NAF1: variants seen among roughly 807,000 people sequenced by gnomAD.
NAF1 encodes the protein H/ACA ribonucleoprotein complex non-core subunit NAF1.
Under a neutral mutation model 40.6 loss-of-function variants are expected in NAF1, and 11 were observed. The ratio of observed to expected loss-of-function variants is 0.27; its 90% CI spans 0.17 to 0.45. NAF1 has a LOEUF of 0.45. Among genes scored for constraint, NAF1 ranks in the 20% least tolerant of loss-of-function variants. The probability of loss-of-function intolerance (pLI) is 1.00; values close to 1 mark genes in which losing one functional copy is unlikely to be tolerated. For synonymous variants in NAF1, 260 were observed against 228.5 expected, an observed-to-expected ratio of 1.14 and a Z score of -1.24; for missense variants, 607 against 611.1, an observed-to-expected ratio of 0.99 and a Z score of 0.07.
At chr4:163,145,558 T>C (rs7693533) in intron 4 of NAF1, among the ~76,000 whole-genome samples, 118,445 of 152,126 alleles carry the variant, frequency 0.78, 46,158 homozygotes, top group South Asian at 0.84. Flanking sequence ...GAATTCTATA[T>C]ATGTGTATTT....
intron 7 of NAF1, among the ~76,000 whole-genome samples, chr4:163,132,286 T>C (rs1354842741): frequency 1.3e-5 from 2 of 152,252 alleles, no homozygotes; most frequent in Non-Finnish European, 2.9e-5. Context: ...AGCTGCTTTA[T>C]TCCTAATAAC....
rs1732357402 is a variant in NAF1 at position 163,164,354 on chromosome 4, A to C, written c.403T>G (p.Ser135Ala). The C allele has an allele frequency of 6.3e-7, 1 of 1,595,002 alleles. No homozygotes were observed. ...GAAGACGACGATGAGGAAGATGAAG[A>C]GGAAGACGATGAACTTGAACTATCT... is the stretch of plus-strand genomic sequence containing the variant. Reference protein sequence around the residue: ...DSDSSSSSSSSSSSSSSSSSS... With the variant: ...DSDSSSSSSSASSSSSSSSSS... Residue 135 changes from serine (S) to alanine (A), a missense_variant, in exon 2 of 8, where the codon TCT becomes GCT. Ser to Ala is a moderately conservative substitution (Grantham distance 99, BLOSUM62 1). Coordinates refer to ENST00000274054, the MANE Select transcript of NAF1 (RefSeq NM_138386.3).
chr4:163,114,632 T>G (rs1003798094), intron 2 of NAF1, among the ~76,000 whole-genome samples: 1 of 152,220 alleles, frequency 6.6e-6, no homozygotes, highest in Non-Finnish European at 1.5e-5. Flanking sequence ...TAATTCACTC[T>G]GTGAGTAGTA....
chr4:163,137,383 T>C (rs1731101966), intron 5 of NAF1, 133 bp from the exon 6 acceptor site: 1 of 852,934 alleles, frequency 1.2e-6, no homozygotes, highest in East Asian at 3.1e-5. Context: ...CAGTTATGTG[T>C]CTTTTACCTT....
chr4:163,122,678 G>C (rs1426640601), downstream of NAF1, among the ~76,000 whole-genome samples: 2 of 152,128 alleles, frequency 1.3e-5, no homozygotes, highest in African/African-American at 4.8e-5. Flanking sequence ...TTAAGAGATG[G>C]GACCTTTAAC....
At chr4:163,121,121 C>G (rs1032139499) in intron 2 of NAF1, among the ~76,000 whole-genome samples, 6 of 152,066 alleles carry the variant, frequency 3.9e-5, no homozygotes, top group Non-Finnish European at 8.8e-5. Flanking sequence ...GAACTCCTGA[C>G]CTCAAGTGAT....
intron 2 of NAF1, among the ~76,000 whole-genome samples, chr4:163,150,732 G>A (rs1304002054): frequency 1.3e-5 from 2 of 152,020 alleles, no homozygotes; most frequent in African/African-American, 4.8e-5. Context: ...TACACACAAT[G>A]ATACAACATT....
chr4:163,152,280 C>G (rs1023494367), intron 2 of NAF1, among the ~76,000 whole-genome samples: 1 of 152,100 alleles, frequency 6.6e-6, no homozygotes, highest in Non-Finnish European at 1.5e-5. Context: ...ATCAAATATT[C>G]TTTTATCATT....
intron 5 of NAF1, 106 bp from the exon 6 acceptor site, chr4:163,137,356 C>T: frequency 1.6e-6 from 2 of 1,239,768 alleles, no homozygotes; most frequent in Non-Finnish European, 2.2e-6. Context: ...ATGAGTTCAA[C>T]CTTTAATTTT....
intron 3 of NAF1, among the ~76,000 whole-genome samples, chr4:163,146,331 T>C (rs996130460): frequency 4.6e-5 from 7 of 152,226 alleles, no homozygotes; most frequent in Non-Finnish European, 1.0e-4. Context: ...AGCATCTTCC[T>C]ATGAACAGAA....
chr4:163,119,181 T>C (rs1335676719), intron 2 of NAF1, among the ~76,000 whole-genome samples: 2 of 152,340 alleles, frequency 1.3e-5, no homozygotes, highest in Admixed American at 6.5e-5. Flanking sequence ...TTGTTGCGTA[T>C]GGGCATTTTT....
At chr4:163,123,554 G>C (rs1269528560), downstream of NAF1, among the ~76,000 whole-genome samples, 1 of 152,022 alleles carries the variant, frequency 6.6e-6, no homozygotes. Context: ...GCTAATTTTT[G>C]TATTTTTTGT....
At position 163,132,688 on chromosome 4, in the gene NAF1, T is replaced by C. The variant is rs191078526; in HGVS notation, c.1033+466A>G. ...ATATCCTGGCTGGGACAGTGTTCCA[T>C]ATATAGTTATGCAAGATGTTGCAAC... is the stretch of plus-strand genomic sequence containing the variant. On this transcript the variant is annotated intron_variant, in intron 7 of 7. Transcript: ENST00000274054. Among the ~76,000 whole-genome samples, 515 of 152,280 alleles carry C rather than the reference T, an allele frequency of 3.4e-3. 10 individuals are homozygous for C. Among genetic ancestry groups the C allele is most frequent in the Non-Finnish European group, 6.9e-4 (47 of 68,022 alleles).
the NAF1 span, among the ~76,000 whole-genome samples, chr4:163,104,215 GC>G: frequency 6.6e-6 from 1 of 152,130 alleles, no homozygotes; most frequent in Non-Finnish European, 1.5e-5. Context: ...GCAGGAACCG[GC>G]CGTTTCCACT....
intron 2 of NAF1, among the ~76,000 whole-genome samples, chr4:163,156,406 C>T (rs1291648924): frequency 6.9e-6 from 1 of 144,676 alleles, no homozygotes; most frequent in Non-Finnish European, 1.5e-5. Context: ...AAGTATCTGC[C>T]TGGATACCAA....
At chr4:163,115,724 C>A (rs1730317589) in intron 2 of NAF1, among the ~76,000 whole-genome samples, 1 of 152,064 alleles carries the variant, frequency 6.6e-6, no homozygotes, top group African/African-American at 2.4e-5. Flanking sequence ...AATGAGTAAA[C>A]AGGAAAAATC....
intron 3 of NAF1, 112 bp downstream of exon 3, chr4:163,148,229 A>G: frequency 1.9e-6 from 1 of 535,590 alleles, no homozygotes; most frequent in Non-Finnish European, 3.2e-6. Context: ...ATGACTATAA[A>G]ATAAAGTGTT....
At chr4:163,165,593 CTGA>C (rs527755596) in intron 1 of NAF1, among the ~76,000 whole-genome samples, 10 of 152,164 alleles carry the variant, frequency 6.6e-5, no homozygotes, top group Non-Finnish European at 1.5e-4. Context: ...CCACTCTCCG[CTGA>C]TGACTTCCCT....
intron 5 of NAF1, 140 bp from the exon 6 acceptor site, chr4:163,137,390 C>A: frequency 1.2e-6 from 1 of 818,788 alleles, no homozygotes; most frequent in Middle Eastern, 3.0e-4. Context: ...GTGTCTTTTA[C>A]CTTATTTCAA....
Sources: gnomAD v4.1 joint callset for allele counts (sites outside exome capture counted in the v4.1 genomes callset) on GRCh38, gnomAD v4.1.1 for gene constraint, MANE v1.5 for transcripts, NCBI Gene and HGNC (gene_info 2026-07-23, HGNC 2026-07-21) for gene names.